COL7A1: variants seen among roughly 807,000 people sequenced by gnomAD.
COL7A1 encodes collagen alpha-1(VII) chain.
In COL7A1, 296 loss-of-function variants were observed where a neutral mutation model predicts 456.2. The observed-to-expected ratio is 0.65, with a 90% CI of 0.59 to 0.71. COL7A1 has a LOEUF of 0.71. COL7A1 is among the 30% of genes least tolerant of loss of function. The probability of loss-of-function intolerance (pLI) is 0.00; values close to 1 mark genes in which losing one functional copy is unlikely to be tolerated. For synonymous variants in COL7A1, 1,464 were observed against 1,525.9 expected (o/e 0.96, Z 0.95); for missense variants, 3,441 against 4,017.2 (o/e 0.86, Z 3.88).
intron 47 of COL7A1, 72 bp from the exon 48 acceptor site, chr3:48,582,015 G>A: frequency 6.2e-7 from 1 of 1,600,258 alleles, no homozygotes; most frequent in South Asian, 1.1e-5. Context: ...CATTGGAATG[G>A]AGGTCACATG....
At position 48,593,107 on chromosome 3, in the gene COL7A1, C is replaced by T. The variant is rs763966860; in HGVS notation, c.677G>A (p.Arg226Gln). 8.1e-6 allele frequency: 13 copies of T among 1,613,888 alleles called. No homozygotes were observed. The highest frequency in any genetic ancestry group is 4.5e-5 in the East Asian group (2 of 44,884). ...CTTAGGVPVT[R>Q]PPDDSTSAPR... ...CCGTGTGGGCAGGAACTCACGAGGT[C>T]GGGTCACAGGCACGCCACCAGCAGT... The change falls in exon 6 of 119, where the codon CGA becomes CAA. Residue 226 changes from arginine to glutamine, a missense_variant. By Grantham distance (43) the Arg-to-Gln change is conservative. This residue lies in a region of COL7A1 where 913 missense variants were observed against 1,088.2 expected (regional missense o/e 0.84). Coordinates refer to ENST00000681320, the MANE Select transcript of COL7A1 (RefSeq NM_000094.4). This position sits in a 1 kb window ranked among gnomAD's most constrained non-coding sequence, Gnocchi z 4.4.
rs1243534990 is a variant in COL7A1, at chr3:48,564,120, C to A, written c.*286G>T. 7.4e-6 allele frequency: 4 copies of A among 541,726 alleles called. No homozygotes were observed. Among genetic ancestry groups the A allele is most frequent in the Non-Finnish European group, 1.3e-5 (4 of 297,274 alleles). The allele number at this position is 541,726 out of a possible 1,614,324, so 33.6% of individuals were successfully genotyped here. A position where few individuals can be genotyped will look rare whatever the true frequency, so the allele number is the denominator to read the frequency against. ...ATGCCCCCCAGAATCAGCACCATGT[C>A]ATCACAGGCTTGGGTCAAGGGGCGG... On this transcript the variant is annotated 3_prime_UTR_variant, in exon 119 of 119. Transcript: ENST00000681320. The surrounding 1 kb of genome is among the most constrained non-coding windows in gnomAD (Gnocchi z 6.0).
Position 48,564,841 on chromosome 3 carries a change from C to T in COL7A1, c.8760G>A (p.Gly2920=), listed in dbSNP as rs2107625339. The part of the protein sequence containing the change: ...GGCGGNANRF[G]TREACERRCP... Reference sequence around the variant, plus strand: ...AGCGGCGCTCGCAGGCCTCACGGGTCCCAAAACGGTTGGCATTCCCTCCAC... The same window carrying T: ...AGCGGCGCTCGCAGGCCTCACGGGTTCCAAAACGGTTGGCATTCCCTCCAC... Residue 2920 remains glycine, a synonymous_variant, in exon 118 of 119, where the codon GGG becomes GGA. Coordinates refer to ENST00000681320, the MANE Select transcript of COL7A1 (RefSeq NM_000094.4). The surrounding 1 kb of genome is among the most constrained non-coding windows in gnomAD (Gnocchi z 6.0). 2.5e-6 allele frequency: 4 copies of T among 1,614,110 alleles called. No individual in the cohort carries two copies. The highest frequency in any genetic ancestry group is 1.6e-4 in the Middle Eastern group (1 of 6,062).
Position 48,564,524 on chromosome 3 carries a change from A to T in COL7A1, c.8819-102T>A, listed in dbSNP as rs899534214. 1.1e-5 allele frequency: 16 copies of T among 1,427,952 alleles called. 1 individual carries two copies. In the South Asian group the frequency reaches 1.9e-4, roughly 17 times the overall value. 88.5% of individuals were successfully genotyped at this position (1,427,952 alleles called of 1,614,324 possible). ...GGGAGGGAGCGGAGGCTACAACAGG[A>T]AGTGGGGGCTCTGACCTCAGAGGGG... On this transcript the variant is annotated intron_variant, in intron 118 of 118. Transcript: ENST00000681320. The surrounding 1 kb of genome is among the most constrained non-coding windows in gnomAD (Gnocchi z 6.0).
rs750768151 is a variant in COL7A1, at chr3:48,582,994, T to C, written c.4518+19A>G. The C allele has an allele frequency of 5.6e-6, 9 of 1,613,882 alleles. No individual in the cohort carries two copies. The Admixed American group carries it at 1.0e-4, about 18-fold the overall frequency. On this transcript the variant is annotated intron_variant, in intron 44 of 118. Coordinates refer to ENST00000681320, the MANE Select transcript of COL7A1 (RefSeq NM_000094.4). ...ACAGCCAGGTCAGCTGGTATGAGCA[T>C]TGCAGCCAGTGGGTTTACCCGGGAT...
Position 48,592,591 on chromosome 3 carries a change from C to T in COL7A1, c.955G>A (p.Val319Met), listed in dbSNP as rs768325148. The T allele has an allele frequency of 1.1e-5, 17 of 1,613,930 alleles. No homozygotes were observed. The Admixed American group carries it at 1.5e-4, about 14-fold the overall frequency. ...TCACTGGTCCGAGCTGTCCCGCTCA[C>T]AGCCTCCCCGATGCTGTTGGCGTAG... is the stretch of plus-strand genomic sequence containing the variant. ...ALYANSIGEA[V>M]SGTARTTALE... is the part of the protein sequence containing the mutation. Residue 319 changes from valine (V) to methionine (M), a missense_variant, in exon 8 of 119, where the codon GTG (valine) becomes ATG (methionine). By Grantham distance (21) the Val-to-Met change is conservative. This residue lies in a region of COL7A1 where 913 missense variants were observed against 1,088.2 expected (regional missense o/e 0.84). Coordinates refer to ENST00000681320, the MANE Select transcript of COL7A1 (RefSeq NM_000094.4). The surrounding 1 kb of genome is among the most constrained non-coding windows in gnomAD (Gnocchi z 7.6).
In COL7A1 at chr3:48,580,585, C is replaced by T. The variant is rs1327715928; in HGVS notation, c.5048G>A (p.Arg1683Gln). Residue 1683 changes from arginine to glutamine, a missense_variant, in exon 55 of 119, where the codon CGA becomes CAA. By Grantham distance (43) the Arg-to-Gln change is conservative. This residue lies in a region of COL7A1 where 2,084 missense variants were observed against 2,501.3 expected (regional missense o/e 0.83). Transcript: ENST00000681320. This position sits in a 1 kb window ranked among gnomAD's most constrained non-coding sequence, Gnocchi z 4.5. ...GAGTCATAGGCTGGGACTCACATTT[C>T]GTCCATCCTCTCCAGGATCTCCCTG... Reference protein sequence around the residue: ...GDQGDPGEDGRNGSPGSSGPK... With the variant: ...GDQGDPGEDGQNGSPGSSGPK... The T allele has an allele frequency of 3.7e-6, 6 of 1,613,602 alleles. No homozygotes were observed. Among genetic ancestry groups the T allele is most frequent in the South Asian group, 1.1e-5 (1 of 91,040 alleles).
At position 48,574,465 on chromosome 3, in the gene COL7A1, G is replaced by A. The variant is rs147553715; in HGVS notation, c.6456+23C>T. 3 of 1,614,116 alleles carry A rather than the reference G, an allele frequency of 1.9e-6. No homozygotes were observed. In the Admixed American group the frequency reaches 5.0e-5, roughly 27 times the overall value. On this transcript the variant is annotated intron_variant, in intron 79 of 118. Coordinates refer to ENST00000681320, the MANE Select transcript of COL7A1 (RefSeq NM_000094.4). This position sits in a 1 kb window ranked among gnomAD's most constrained non-coding sequence, Gnocchi z 5.0. ...GTGAGAGCCACCTTCTTGCACATGT[G>A]TGGCTGTTGGGCAAGGACTTACCGG...
At position 48,593,008 on chromosome 3, in the gene COL7A1, G is replaced by A. The variant is rs568589365; in HGVS notation, c.683-70C>T. The A allele has an allele frequency of 2.0e-5, 32 of 1,612,212 alleles. No homozygotes were observed. The highest frequency in any genetic ancestry group is 8.9e-5 in the East Asian group (4 of 44,878). On this transcript the variant is annotated intron_variant, in intron 6 of 118. Transcript: ENST00000681320. The surrounding 1 kb of genome is among the most constrained non-coding windows in gnomAD (Gnocchi z 4.4). ...GCATGTATGATGCAGAGTTGGGGTC[G>A]GGGTCAGGAGCACATAGGATGGAAT...
rs2043881087 is a variant in COL7A1, at chr3:48,570,970, T to C, written c.7165-2A>G. On this transcript the variant is annotated splice_acceptor_variant, in intron 94 of 118. Transcript: ENST00000681320. LOFTEE classifies it high-confidence loss of function. The surrounding 1 kb of genome is among the most constrained non-coding windows in gnomAD (Gnocchi z 5.5). ...CAGGCCAGGGAGGCCCAGATCTCCC[T>C]GAAATAAAAACAGCAAAGGGAGGGA... is the stretch of plus-strand genomic sequence containing the variant. 3 of 1,613,216 alleles carry C rather than the reference T, an allele frequency of 1.9e-6. No homozygotes were observed. Among genetic ancestry groups the C allele is most frequent in the Non-Finnish European group, 2.5e-6 (3 of 1,179,676 alleles).
rs1003441750 is a variant in COL7A1 at position 48,588,385 on chromosome 3, G to A, written c.2607C>T (p.Ala869=). 3 of 1,611,044 alleles carry A rather than the reference G, an allele frequency of 1.9e-6. No homozygotes were observed. Among genetic ancestry groups the A allele is most frequent in the Non-Finnish European group, 2.5e-6 (3 of 1,179,852 alleles). Residue 869 remains alanine, a synonymous_variant, in exon 21 of 119, where the codon GCC becomes GCT. Coordinates refer to ENST00000681320, the MANE Select transcript of COL7A1 (RefSeq NM_000094.4). This position sits in a 1 kb window ranked among gnomAD's most constrained non-coding sequence, Gnocchi z 4.6. ...VVTTPPEAPP[A]LGTLHVVQRG... ...GCTGCACCACGTGAAGCGTCCCCAG[G>A]GCTGGCGGAGCCTCAGGCGCTGGAG...
At position 48,592,034 on chromosome 3, in the gene COL7A1, T is replaced by C. The variant is rs755300487; in HGVS notation, c.1241-20A>G. 1.2e-6 allele frequency: 2 copies of C among 1,614,064 alleles called. No homozygotes were observed. The highest frequency in any genetic ancestry group is 3.3e-5 in the Admixed American group (2 of 60,030). On this transcript the variant is annotated intron_variant, in intron 10 of 118. Coordinates refer to ENST00000681320, the MANE Select transcript of COL7A1 (RefSeq NM_000094.4). The surrounding 1 kb of genome is among the most constrained non-coding windows in gnomAD (Gnocchi z 7.6). ...AAGCGTCTGCCCAGGGCACATGGGA[T>C]GTCAGTGGCCTCCGGGCCTTGCCCT...
At position 48,568,364 on chromosome 3, in the gene COL7A1, G is replaced by T; in HGVS notation, c.7794+135C>A. The T allele has an allele frequency of 9.4e-7, 1 of 1,069,124 alleles. No individual in the cohort carries two copies. The highest frequency in any genetic ancestry group is 1.4e-5 in the South Asian group (1 of 70,670). The allele number at this position is 1,069,124 out of a possible 1,614,324, so 66.2% of individuals were successfully genotyped here. On this transcript the variant is annotated intron_variant, in intron 105 of 118. Transcript: ENST00000681320. The surrounding 1 kb of genome is among the most constrained non-coding windows in gnomAD (Gnocchi z 5.2). ...ATAGGCGGCTACTGTGGAGGTGGGG[G>T]ACCCTGGGTGACATGAGGACACCAT...
chr3:48,570,752 GA>G lies in COL7A1; in HGVS notation c.7273-43del. Reference sequence around the variant, plus strand: ...GCAAGAGAGGCAGAGAGTGACTTGGGAACCCTCCTACCCTCTGCCCCCTCAA... The same window carrying G: ...GCAAGAGAGGCAGAGAGTGACTTGGGACCCTCCTACCCTCTGCCCCCTCAA... On this transcript the variant is annotated intron_variant, in intron 95 of 118. Coordinates refer to ENST00000681320, the MANE Select transcript of COL7A1 (RefSeq NM_000094.4). The surrounding 1 kb of genome is among the most constrained non-coding windows in gnomAD (Gnocchi z 5.5). 1.3e-6 allele frequency: 2 copies of G among 1,557,498 alleles called. No individual in the cohort carries two copies. Among genetic ancestry groups the G allele is most frequent in the Non-Finnish European group, 1.7e-6 (2 of 1,149,928 alleles).
rs1008306066 is a variant in COL7A1 at position 48,595,297 on chromosome 3, G to A, written c.-31C>T. On this transcript the variant is annotated 5_prime_UTR_variant, in exon 1 of 119. Transcript: ENST00000681320. ...GCGTCCGCCCGCTCCCGCCGCCGCC[G>A]CTGCAGTCTCTCGGGCAGAGCAGAG... 30 of 722,662 alleles carry A rather than the reference G, an allele frequency of 4.2e-5. No individual in the cohort carries two copies. The African/African-American group carries it at 4.5e-4, about 11-fold the overall frequency. The allele number at this position is 722,662 out of a possible 1,614,324, so 44.8% of individuals were successfully genotyped here. A position where few individuals can be genotyped will look rare whatever the true frequency, so the allele number is the denominator to read the frequency against.
rs974991639 is a variant in COL7A1, at chr3:48,564,300, C to T, written c.*106G>A. 158 of 1,374,086 alleles carry T rather than the reference C, an allele frequency of 1.1e-4. No individual in the cohort carries two copies. The highest frequency in any genetic ancestry group is 1.9e-4 in the African/African-American group (13 of 70,114). 85.1% of individuals were successfully genotyped at this position (1,374,086 alleles called of 1,614,324 possible). ...CTGAAATAACGGACGTGCACACGCA[C>T]GCTCACGTGCACACAAGCCTCTAGC... is the stretch of plus-strand genomic sequence containing the variant. On this transcript the variant is annotated 3_prime_UTR_variant, in exon 119 of 119. Coordinates refer to ENST00000681320, the MANE Select transcript of COL7A1 (RefSeq NM_000094.4). The surrounding 1 kb of genome is among the most constrained non-coding windows in gnomAD (Gnocchi z 6.0).
Position 48,583,189 on chromosome 3 carries a change from G to C in COL7A1, c.4438-18C>G, listed in dbSNP as rs754648569. 261 of 1,613,406 alleles carry C rather than the reference G, an allele frequency of 1.6e-4. No homozygotes were observed. Among genetic ancestry groups the C allele is most frequent in the Middle Eastern group, 3.3e-4 (2 of 6,084 alleles). On this transcript the variant is annotated intron_variant, in intron 42 of 118. Coordinates refer to ENST00000681320, the MANE Select transcript of COL7A1 (RefSeq NM_000094.4). The surrounding 1 kb of genome is among the most constrained non-coding windows in gnomAD (Gnocchi z 5.1). Reference sequence around the variant, plus strand: ...CGGTCACCCTGAAGAGAGAGGGTGAGAGAAAGACAGAGAGAGAGAGGGTTG... The same window carrying C: ...CGGTCACCCTGAAGAGAGAGGGTGACAGAAAGACAGAGAGAGAGAGGGTTG...
chr3:48,571,557 A>T lies in COL7A1; in HGVS notation c.7069-279T>A. The stretch of plus-strand genomic sequence containing the variant: ...CACGCGAGTGCAGACATCTGGCTCC[A>T]CAGACGTGAGTGCGGACACACGGGC... On this transcript the variant is annotated intron_variant, in intron 92 of 118. Transcript: ENST00000681320. The surrounding 1 kb of genome is among the most constrained non-coding windows in gnomAD (Gnocchi z 4.6). 3 of 688,492 alleles carry T rather than the reference A, an allele frequency of 4.4e-6. No individual in the cohort carries two copies. Among genetic ancestry groups the T allele is most frequent in the Non-Finnish European group, 8.2e-6 (3 of 367,144 alleles). 42.6% of individuals were successfully genotyped at this position (688,492 alleles called of 1,614,324 possible). A position where few individuals can be genotyped will look rare whatever the true frequency, so the allele number is the denominator to read the frequency against.
Position 48,588,252 on chromosome 3 carries a change from C to T in COL7A1, c.2710+30G>A, listed in dbSNP as rs2045426711. 6.2e-7 allele frequency: 1 copy of T among 1,612,600 alleles called. No homozygotes were observed. Among genetic ancestry groups the T allele is most frequent in the Non-Finnish European group, 8.5e-7 (1 of 1,179,896 alleles). ...CTGCCACAGCCCTGCCCCCAATGGTCCCTAACTTCCTCCTGGGGACACCTC... is the reference window on the plus strand; with the variant it reads ...CTGCCACAGCCCTGCCCCCAATGGTTCCTAACTTCCTCCTGGGGACACCTC... On this transcript the variant is annotated intron_variant, in intron 21 of 118. Coordinates refer to ENST00000681320, the MANE Select transcript of COL7A1 (RefSeq NM_000094.4). The surrounding 1 kb of genome is among the most constrained non-coding windows in gnomAD (Gnocchi z 4.6).
Sources: allele counts gnomAD v4.1 joint callset, GRCh38; gene constraint gnomAD v4.1.1; regional missense constraint gnomAD v4.1.1; non-coding constraint Gnocchi (gnomAD v3.1); transcripts MANE v1.5; gene names NCBI Gene and HGNC (gene_info 2026-07-23, HGNC 2026-07-21).